POGLUT1: variants seen among roughly 807,000 people sequenced by gnomAD.
POGLUT1 encodes the protein protein O-glucosyltransferase 1.
A neutral mutation model predicts 61.3 loss-of-function variants in POGLUT1; 32 were observed. That is an observed-to-expected ratio of 0.52 (90% CI 0.39 to 0.70). The LOEUF is 0.70. Ranked by LOEUF, POGLUT1 falls within the 30% of genes least tolerant of loss-of-function variation. POGLUT1 has a pLI of 0.00. For missense variants in POGLUT1, 411 were observed against 469.8 expected (o/e 0.87, Z 1.16); for synonymous variants, 158 against 158.2 (o/e 1.00, Z 0.01).
At chr3:119,470,045 T>G in intron 2 of POGLUT1, 135 bp downstream of exon 2, 1 of 643,706 alleles carries the variant, frequency 1.6e-6, no homozygotes, top group South Asian at 1.8e-5. Flanking sequence ...ATAAAAATGC[T>G]CTCGCATGGG....
chr3:119,488,228 G>C (rs1035865269), intron 7 of POGLUT1: 1 of 152,166 alleles, frequency 6.6e-6, no homozygotes, highest in African/African-American at 2.4e-5. Context: ...CATCTACTGT[G>C]GGAGGCTGCA....
chr3:119,473,558 A>C (rs1279993484), intron 3 of POGLUT1, among the ~76,000 whole-genome samples: 1 of 152,206 alleles, frequency 6.6e-6, no homozygotes, highest in Non-Finnish European at 1.5e-5. Context: ...TACGAATAGA[A>C]TGCAGTATTC....
chr3:119,476,953 G>A (rs114337530), intron 3 of POGLUT1, among the ~76,000 whole-genome samples: 3,225 of 152,290 alleles, frequency 0.021, 105 homozygotes, highest in African/African-American at 0.073. Flanking sequence ...CAGCTATTAC[G>A]AGAGTTTGTA....
intron 3 of POGLUT1, among the ~76,000 whole-genome samples, chr3:119,473,158 G>A (rs909077628): frequency 1.3e-5 from 2 of 152,146 alleles, no homozygotes; most frequent in Non-Finnish European, 2.9e-5. Context: ...GGAAAAAATC[G>A]TTAAGGTATT....
chr3:119,473,072 T>C (rs987399553), intron 3 of POGLUT1, among the ~76,000 whole-genome samples: 6 of 152,126 alleles, frequency 3.9e-5, no homozygotes, highest in Non-Finnish European at 8.8e-5. Context: ...AAAAGAAAGA[T>C]TATTTAATAT....
intron 7 of POGLUT1, among the ~76,000 whole-genome samples, chr3:119,487,860 A>C (rs766688492): frequency 3.3e-5 from 5 of 152,194 alleles, no homozygotes; most frequent in Non-Finnish European, 7.3e-5. Context: ...GAATCAAATG[A>C]GTCAGAATCT....
At chr3:119,489,079 C>A (rs2081708024) in intron 8 of POGLUT1, 92 bp downstream of exon 8, 4 of 656,328 alleles carry the variant, frequency 6.1e-6, no homozygotes, top group Non-Finnish European at 1.1e-5. Flanking sequence ...AAAGGCCCAG[C>A]TGGAGTAAAT....
chr3:119,488,585 C>T (rs2081701080), intron 7 of POGLUT1: 1 of 168,310 alleles, frequency 5.9e-6, no homozygotes, highest in Non-Finnish European at 1.3e-5. Context: ...CACTTGGGAC[C>T]TTCTCTGCAT....
chr3:119,480,741 CTTTT>C (rs549105221), intron 5 of POGLUT1, among the ~76,000 whole-genome samples: 1 of 138,258 alleles, frequency 7.2e-6, no homozygotes. Context: ...ATTTTTCTTT[CTTTT>C]TTTTTTTTTT....
At chr3:119,471,268 C>G (rs1235404277) in intron 2 of POGLUT1, 41 bp from the exon 3 acceptor site, 1 of 1,606,292 alleles carries the variant, frequency 6.2e-7, no homozygotes, top group Non-Finnish European at 8.5e-7. Context: ...TGGCACCACT[C>G]TCTTGGCCTG....
At chr3:119,482,733 T>C (rs2081620260) in intron 5 of POGLUT1, among the ~76,000 whole-genome samples, 1 of 152,250 alleles carries the variant, frequency 6.6e-6, no homozygotes, top group African/African-American at 2.4e-5. Flanking sequence ...CCATCTGCAC[T>C]GATGTCTGCC....
chr3:119,486,988 CA>C (rs2081672717), intron 7 of POGLUT1, 56 bp downstream of exon 7: 1 of 1,106,330 alleles, frequency 9.0e-7, no homozygotes, highest in Non-Finnish European at 1.4e-6. Flanking sequence ...ACTCAAAGAA[CA>C]TTGCCACCTG....
chr3:119,483,285 A>G (rs944730954), intron 5 of POGLUT1, among the ~76,000 whole-genome samples: 6 of 152,248 alleles, frequency 3.9e-5, no homozygotes, highest in African/African-American at 7.2e-5. Context: ...AAGTCCATCA[A>G]TAAAGGATGA....
chr3:119,478,483 G>A (rs1319759869), intron 4 of POGLUT1: 1 of 451,954 alleles, frequency 2.2e-6, no homozygotes, highest in Admixed American at 2.4e-5. Flanking sequence ...ATGTAAGTCA[G>A]TAGGGACTTC....
chr3:119,484,628 A>G (rs925552334), intron 5 of POGLUT1, among the ~76,000 whole-genome samples: 2 of 152,206 alleles, frequency 1.3e-5, no homozygotes, highest in African/African-American at 4.8e-5. Flanking sequence ...TTTCCCTTTC[A>G]TTCCATTTCT....
At chr3:119,491,680 T>C (rs1228521708) in intron 10 of POGLUT1, 106 bp downstream of exon 10, 2 of 578,834 alleles carry the variant, frequency 3.5e-6, no homozygotes, top group East Asian at 6.2e-5. Flanking sequence ...CTGTATTTTA[T>C]CCTCATTATA....
chr3:119,476,244 G>A (rs536695033), intron 3 of POGLUT1, among the ~76,000 whole-genome samples: 6 of 152,198 alleles, frequency 3.9e-5, no homozygotes, highest in East Asian at 1.9e-4. Flanking sequence ...TTCCACAACC[G>A]ATATATCATA....
In POGLUT1 at chr3:119,478,230, C is replaced by T. The variant is rs1248765068; in HGVS notation, c.456+782C>T. The stretch of plus-strand genomic sequence containing the variant: ...GGGTAAGAGTGAATTGAGGAAAACC[C>T]CATGAAATTTGGGAAAAGGAACACT... On this transcript the variant is annotated intron_variant, in intron 4 of 10. Coordinates refer to ENST00000295588, the MANE Select transcript of POGLUT1 (RefSeq NM_152305.3). 3 of 404,760 alleles carry T rather than the reference C, an allele frequency of 7.4e-6. No homozygotes were observed. The East Asian group carries it at 2.1e-4, about 29-fold the overall frequency. 25.1% of individuals were successfully genotyped at this position (404,760 alleles called of 1,614,324 possible). A position where few individuals can be genotyped will look rare whatever the true frequency, so the allele number is the denominator to read the frequency against.
chr3:119,479,504 G>A (rs2081582037), intron 4 of POGLUT1, among the ~76,000 whole-genome samples: 1 of 152,178 alleles, frequency 6.6e-6, no homozygotes, highest in Non-Finnish European at 1.5e-5. Context: ...CCATTACAGT[G>A]ATAAGGAAGC....
Sources: allele counts gnomAD v4.1 joint callset (sites outside exome capture counted in the v4.1 genomes callset), GRCh38; gene constraint gnomAD v4.1.1; transcripts MANE v1.5; gene names NCBI Gene and HGNC (gene_info 2026-07-23, HGNC 2026-07-21).